PHF14: variants seen among roughly 807,000 people sequenced by gnomAD.
The protein encoded by PHF14 is PHD finger protein 14.
PHF14 carries 55 observed loss-of-function variants against 117.9 expected under a neutral mutation model. The observed-to-expected ratio is 0.47, with a 90% CI of 0.38 to 0.58. PHF14 has a LOEUF of 0.58. Among genes scored for constraint, PHF14 ranks in the 20% least tolerant of loss-of-function variants. The pLI is 0.00. For synonymous variants in PHF14, 409 were observed against 368.6 expected (o/e 1.11, Z -1.26); for missense variants, 978 against 1,122.2 (o/e 0.87, Z 1.84).
chr7:11,045,947 C>G (rs1044640291), intron 13 of PHF14, among the ~76,000 whole-genome samples: 2 of 152,050 alleles, frequency 1.3e-5, no homozygotes, highest in African/African-American at 4.8e-5. Flanking sequence ...TTTGATTTTT[C>G]TTGAATTATG....
intron 4 of PHF14, among the ~76,000 whole-genome samples, chr7:11,006,144 G>A (rs78257122): frequency 0.026 from 4,001 of 152,116 alleles, 177 homozygotes; most frequent in African/African-American, 0.092. Context: ...ACTACCAAAA[G>A]GACTGTACTA....
At chr7:11,164,923 C>G (rs1789155595) in intron 17 of PHF14, among the ~76,000 whole-genome samples, 1 of 152,102 alleles carries the variant, frequency 6.6e-6, no homozygotes, top group African/African-American at 2.4e-5. Flanking sequence ...CATTCATAAC[C>G]TTGACATTCT....
Position 11,150,260 on chromosome 7 carries a change from A to G in PHF14, c.2773-19156A>G, listed in dbSNP as rs553666711. 6.6e-5 allele frequency among the ~76,000 whole-genome samples: 10 copies of G among 152,278 alleles called. No individual in the cohort carries two copies. In the South Asian group the frequency reaches 1.0e-3, roughly 16 times the overall value. On this transcript the variant is annotated intron_variant, in intron 17 of 17. Coordinates refer to ENST00000634607, the MANE Select transcript of PHF14 (RefSeq NM_001007157.2). ...CATTAGAATGCTTATGGTTATTGTT[A>G]CTGGTTATAGTTATGGTTATTGTTG...
At chr7:11,024,396 A>G (rs1783841215) in intron 6 of PHF14, among the ~76,000 whole-genome samples, 1 of 152,250 alleles carries the variant, frequency 6.6e-6, no homozygotes, top group Admixed American at 6.5e-5. Context: ...AGATTTGTAC[A>G]TTCAACAAAG....
intron 16 of PHF14, among the ~76,000 whole-genome samples, chr7:11,079,198 T>C (rs1049566710): frequency 6.6e-6 from 1 of 152,206 alleles, no homozygotes; most frequent in African/African-American, 2.4e-5. Flanking sequence ...CTTCTAATTC[T>C]GCTCTATGTC....
At chr7:11,112,917 G>T (rs933244779) in intron 17 of PHF14, among the ~76,000 whole-genome samples, 2 of 152,034 alleles carry the variant, frequency 1.3e-5, no homozygotes, top group African/African-American at 4.8e-5. Flanking sequence ...TTAAGGCCTA[G>T]ATTTAAGAGA....
chr7:11,103,876 TGGA>T, intron 16 of PHF14: 2 of 981,316 alleles, frequency 2.0e-6, no homozygotes, highest in Non-Finnish European at 2.4e-6. Flanking sequence ...CTCATAACAT[TGGA>T]GGAAAAATAT....
intron 16 of PHF14, among the ~76,000 whole-genome samples, chr7:11,087,183 C>T (rs1786443832): frequency 7.0e-6 from 1 of 143,868 alleles, no homozygotes; most frequent in South Asian, 2.2e-4. Flanking sequence ...TAATAGAAAG[C>T]ACTGCCCTTC....
chr7:10,994,994 A>G (rs1782585138), intron 4 of PHF14, among the ~76,000 whole-genome samples: 1 of 152,110 alleles, frequency 6.6e-6, no homozygotes, highest in African/African-American at 2.4e-5. Flanking sequence ...GGTCCATTTT[A>G]CAGAGAGCTG....
At chr7:11,013,226 A>C (rs138912277) in intron 4 of PHF14, among the ~76,000 whole-genome samples, 1 of 152,158 alleles carries the variant, frequency 6.6e-6, no homozygotes, top group African/African-American at 2.4e-5. Flanking sequence ...CAGTGGCGCA[A>C]TCTTGGCTCA....
At chr7:11,027,968 T>G (rs1783982143) in intron 6 of PHF14, among the ~76,000 whole-genome samples, 1 of 152,216 alleles carries the variant, frequency 6.6e-6, no homozygotes, top group South Asian at 2.1e-4. Flanking sequence ...ATAGTTATAG[T>G]ATCTCTTCTT....
At chr7:11,149,304 C>G (rs1468394209) in intron 17 of PHF14, among the ~76,000 whole-genome samples, 7 of 152,120 alleles carry the variant, frequency 4.6e-5, no homozygotes, top group South Asian at 2.1e-4. Flanking sequence ...ATGGTCAGTA[C>G]TGACTCGTCA....
At chr7:11,119,848 C>A (rs1012264042) in intron 17 of PHF14, among the ~76,000 whole-genome samples, 18 of 151,814 alleles carry the variant, frequency 1.2e-4, no homozygotes, top group African/African-American at 3.9e-4. Context: ...GAATTGAGTT[C>A]TTTGAAATCA....
chr7:11,031,679 G>A (rs1020930814), intron 7 of PHF14, among the ~76,000 whole-genome samples: 9 of 151,684 alleles, frequency 5.9e-5, no homozygotes, highest in Non-Finnish European at 8.8e-5. Flanking sequence ...ACATATACCC[G>A]GGAGTTTGAG....
chr7:11,013,957 C>T lies in PHF14; in HGVS notation c.1205+51C>T. 4 of 1,204,734 alleles carry T rather than the reference C, an allele frequency of 3.3e-6. No individual in the cohort carries two copies. In the East Asian group the frequency reaches 7.2e-5, roughly 22 times the overall value. 74.6% of individuals were successfully genotyped at this position (1,204,734 alleles called of 1,614,324 possible). On this transcript the variant is annotated intron_variant, in intron 5 of 17. Coordinates refer to ENST00000634607, the MANE Select transcript of PHF14 (RefSeq NM_001007157.2). The stretch of plus-strand genomic sequence containing the variant: ...ATATGTTTGCTTTATAATGTGTCTG[C>T]CTTTGACTTCCCTGTTCTTCTGTTT...
chr7:11,013,716 T>C, intron 4 of PHF14, 31 bp from the exon 5 acceptor site: 1 of 1,284,938 alleles, frequency 7.8e-7, no homozygotes, highest in African/African-American at 1.5e-5. Flanking sequence ...AAATAAACCC[T>C]ATTTAATCAT....
intron 4 of PHF14, among the ~76,000 whole-genome samples, chr7:10,997,900 C>G (rs536876643): frequency 3.9e-5 from 6 of 152,148 alleles, no homozygotes; most frequent in Non-Finnish European, 5.9e-5. Context: ...TTCCGCTGTT[C>G]ACACAAGCCA....
At chr7:11,008,497 A>G (rs991511361) in intron 4 of PHF14, among the ~76,000 whole-genome samples, 24 of 152,070 alleles carry the variant, frequency 1.6e-4, no homozygotes, top group African/African-American at 5.1e-4. Flanking sequence ...CGCGAACACT[A>G]TTGTGAACTG....
chr7:11,085,598 T>C (rs935375390), intron 16 of PHF14, among the ~76,000 whole-genome samples: 2 of 152,224 alleles, frequency 1.3e-5, no homozygotes, highest in African/African-American at 2.4e-5. Flanking sequence ...ACATTTAACA[T>C]TGGTGACCAA....
Sources: gnomAD v4.1 joint callset for allele counts (sites outside exome capture counted in the v4.1 genomes callset) on GRCh38, gnomAD v4.1.1 for gene constraint, MANE v1.5 for transcripts, NCBI Gene and HGNC (gene_info 2026-07-23, HGNC 2026-07-21) for gene names.